The following CCDC39 variants were observed in gnomAD, a reference collection of about 807,000 sequenced individuals.
CCDC39 encodes the protein coiled-coil domain 39 molecular ruler complex subunit.
A neutral mutation model predicts 121.0 loss-of-function variants in CCDC39; 113 were observed. The ratio of observed to expected loss-of-function variants is 0.93; its 90% CI spans 0.80 to 1.09. The LOEUF is 1.09. Ranked by LOEUF, CCDC39 falls within the 50% of genes least tolerant of loss-of-function variation. The probability of loss-of-function intolerance (pLI) is 0.00; values close to 1 mark genes in which losing one functional copy is unlikely to be tolerated. For synonymous variants in CCDC39, 349 were observed against 352.2 expected (o/e 0.99, Z 0.10); for missense variants, 1,063 against 1,074.7 (o/e 0.99, Z 0.15).
At chr3:180,633,902 C>T (rs776796349) in intron 13 of CCDC39, among the ~76,000 whole-genome samples, 64 of 152,124 alleles carry the variant, frequency 4.2e-4, no homozygotes, top group Non-Finnish European at 7.9e-4. Flanking sequence ...TGAGCATACC[C>T]ACTGGTAGTG....
rs370902814 is a variant in CCDC39 at position 180,614,900 on chromosome 3, T to C, written c.*21A>G. ...ATTTTTGTTTTTGTGTTTACAACTT[T>C]TTCAGAAGAGATTAAAATGTTTATT... On this transcript the variant is annotated 3_prime_UTR_variant, in exon 20 of 20. Coordinates refer to ENST00000476379, the MANE Select transcript of CCDC39 (RefSeq NM_181426.2). 7.8e-6 allele frequency: 12 copies of C among 1,545,572 alleles called. No homozygotes were observed. The African/African-American group carries it at 8.2e-5, about 11-fold the overall frequency.
At chr3:180,643,497 G>A (rs1718006895) in intron 12 of CCDC39, among the ~76,000 whole-genome samples, 1 of 152,046 alleles carries the variant, frequency 6.6e-6, no homozygotes, top group Non-Finnish European at 1.5e-5. Flanking sequence ...AAAACAATGA[G>A]ATACCATGTT....
intron 1 of CCDC39, among the ~76,000 whole-genome samples, chr3:180,667,129 C>T (rs958511522): frequency 1.3e-5 from 2 of 152,006 alleles, no homozygotes; most frequent in African/African-American, 4.8e-5. Flanking sequence ...ATAATTGATA[C>T]ATTCCAAATT....
In CCDC39 at chr3:180,616,370, G is replaced by A. The variant is rs1292948736; in HGVS notation, c.2587-7C>T. 2 of 1,606,770 alleles carry A rather than the reference G, an allele frequency of 1.2e-6. No homozygotes were observed. The highest frequency in any genetic ancestry group is 1.7e-6 in the Non-Finnish European group (2 of 1,174,366). On this transcript the variant is annotated splice_polypyrimidine_tract_variant and splice_region_variant and intron_variant, in intron 18 of 19. Coordinates refer to ENST00000476379, the MANE Select transcript of CCDC39 (RefSeq NM_181426.2). ...TAGGTAGTTCTAACCCACTCTGGAG[G>A]AATATTCAATAGCAATCATTAGTAC... is the stretch of plus-strand genomic sequence containing the variant.
At chr3:180,647,957 C>T (rs1410524406) in intron 10 of CCDC39, among the ~76,000 whole-genome samples, 1 of 151,972 alleles carries the variant, frequency 6.6e-6, no homozygotes, top group Non-Finnish European at 1.5e-5. Context: ...TCTCTCTCCT[C>T]TTGCCTGTTT....
intron 19 of CCDC39, 111 bp downstream of exon 19, chr3:180,616,170 G>A: frequency 3.7e-6 from 3 of 817,852 alleles, no homozygotes; most frequent in Non-Finnish European, 4.2e-6. Flanking sequence ...AAAGAACACT[G>A]GCAGTGAGTG....
At chr3:180,641,615 T>G (rs1255542911) in intron 13 of CCDC39, among the ~76,000 whole-genome samples, 1 of 152,004 alleles carries the variant, frequency 6.6e-6, no homozygotes, top group East Asian at 1.9e-4. Flanking sequence ...AAAAATGAAA[T>G]TGACAGTAAC....
intron 1 of CCDC39, among the ~76,000 whole-genome samples, chr3:180,672,772 A>G (rs1168234007): frequency 6.6e-6 from 1 of 152,224 alleles, no homozygotes; most frequent in African/African-American, 2.4e-5. Flanking sequence ...TTGTTAGGCT[A>G]TATCTGCCAT....
chr3:180,624,619 T>G (rs1017137410), intron 14 of CCDC39, among the ~76,000 whole-genome samples: 1 of 152,212 alleles, frequency 6.6e-6, no homozygotes, highest in Non-Finnish European at 1.5e-5. Context: ...TTCACGATGG[T>G]GAATACTGAC....
In CCDC39 at chr3:180,621,367, T is replaced by C. The variant is rs1717427659; in HGVS notation, c.1999-1397A>G. Among the ~76,000 whole-genome samples the C allele has an allele frequency of 2.0e-5, 3 of 152,140 alleles. No homozygotes were observed. In the South Asian group the frequency reaches 6.2e-4, roughly 31 times the overall value. ...GTTTTCCATAGAGGTTGTGTTAATT[T>C]ACATTCCCACCAACAGTGTATAACC... On this transcript the variant is annotated intron_variant, in intron 14 of 19. Transcript: ENST00000476379.
intron 1 of CCDC39, among the ~76,000 whole-genome samples, chr3:180,673,983 ATTTTAAAGTAGT>A (rs1333116416): frequency 1.3e-5 from 2 of 151,952 alleles, no homozygotes; most frequent in Admixed American, 1.3e-4. Flanking sequence ...TTCCATATAA[ATTTTAAAGTAGT>A]TTTTTCCAGT....
At chr3:180,665,113 C>A (rs568428070) in intron 1 of CCDC39, among the ~76,000 whole-genome samples, 1 of 152,286 alleles carries the variant, frequency 6.6e-6, no homozygotes, top group South Asian at 2.1e-4. Context: ...AGCATGATTT[C>A]TTCTCCAAGA....
chr3:180,619,999 A>G (rs1487087587), intron 14 of CCDC39, 29 bp from the exon 15 acceptor site: 1 of 1,536,624 alleles, frequency 6.5e-7, no homozygotes. Context: ...AACTGGTTGA[A>G]TAAAAGCATT....
At chr3:180,643,297 A>G (rs1366535944) in intron 12 of CCDC39, among the ~76,000 whole-genome samples, 1 of 152,064 alleles carries the variant, frequency 6.6e-6, no homozygotes, top group Non-Finnish European at 1.5e-5. Flanking sequence ...ATCTTTTATA[A>G]TTTATATATG....
intron 19 of CCDC39, 63 bp downstream of exon 19, chr3:180,616,218 G>A: frequency 7.2e-7 from 1 of 1,395,764 alleles, no homozygotes; most frequent in South Asian, 1.2e-5. Context: ...TGTAGAAGTG[G>A]CTGGAATCAC....
At chr3:180,662,072 A>C in intron 2 of CCDC39, 65 bp from the exon 3 acceptor site, 1 of 1,409,554 alleles carries the variant, frequency 7.1e-7, no homozygotes. Context: ...ACAAATATTT[A>C]TAATAATCCA....
At chr3:180,644,049 T>C (rs925099974) in intron 12 of CCDC39, 71 bp downstream of exon 12, 64 of 1,144,682 alleles carry the variant, frequency 5.6e-5, no homozygotes, top group Middle Eastern at 2.1e-4. Context: ...TTTGCTATAT[T>C]TTTTCATTTG....
intron 13 of CCDC39, among the ~76,000 whole-genome samples, chr3:180,635,282 G>T (rs1243059846): frequency 1.3e-5 from 2 of 152,130 alleles, no homozygotes; most frequent in Admixed American, 1.3e-4. Flanking sequence ...CTTGGGTGGG[G>T]ACACAGAGCC....
chr3:180,653,592 T>A (rs1711515881), intron 7 of CCDC39, among the ~76,000 whole-genome samples: 1 of 152,166 alleles, frequency 6.6e-6, no homozygotes, highest in Non-Finnish European at 1.5e-5. Context: ...AAAACAATTC[T>A]AAAATTCATA....
Sources: allele counts gnomAD v4.1 joint callset (sites outside exome capture counted in the v4.1 genomes callset), GRCh38; gene constraint gnomAD v4.1.1; transcripts MANE v1.5; gene names NCBI Gene and HGNC (gene_info 2026-07-23, HGNC 2026-07-21).